TCEA3: variants seen among roughly 807,000 people sequenced by gnomAD.
The protein encoded by TCEA3 is transcription elongation factor A protein 3.
TCEA3 carries 36 observed loss-of-function variants against 44.0 expected under a neutral mutation model. The ratio of observed to expected loss-of-function variants is 0.82; its 90% CI spans 0.63 to 1.08. TCEA3 has a LOEUF of 1.08. Ranked by LOEUF, TCEA3 falls within the 50% of genes least tolerant of loss-of-function variation. The pLI is 0.00. For synonymous variants in TCEA3, 162 were observed against 159.7 expected (o/e 1.01, Z -0.11); for missense variants, 392 against 441.2 (o/e 0.89, Z 1.00).
At chr1:23,407,170 C>T (rs952547153) in intron 5 of TCEA3, among the ~76,000 whole-genome samples, 1 of 152,194 alleles carries the variant, frequency 6.6e-6, no homozygotes, top group African/African-American at 2.4e-5. Context: ...ATCCCTGACT[C>T]CTCTGTTTCT....
chr1:23,387,210 A>AT, intron 9 of TCEA3, 63 bp downstream of exon 9: 4 of 1,575,188 alleles, frequency 2.5e-6, no homozygotes, highest in Non-Finnish European at 2.6e-6. Flanking sequence ...CTTCTCTCTG[A>AT]TTTTCCACCT....
Position 23,397,944 on chromosome 1 carries a change from C to T in TCEA3, c.455G>A (p.Ser152Asn), listed in dbSNP as rs1297251629. ...KRPSVERSNS[S>N]KSKAESPKTP... ...TTTGGGGCTCTCCGCTTTTGATTTG[C>T]TGCTGTTTGATCTGAGGATGACAAT... Residue 152 changes from serine to asparagine, a missense_variant, in exon 6 of 11, where the codon AGC becomes AAC. Physicochemically the swap from Ser to Asn is conservative, Grantham distance 46 (BLOSUM62 1). Coordinates refer to ENST00000450454, the MANE Select transcript of TCEA3 (RefSeq NM_003196.3). 1.9e-6 allele frequency: 3 copies of T among 1,613,638 alleles called. No homozygotes were observed. The highest frequency in any genetic ancestry group is 2.5e-6 in the Non-Finnish European group (3 of 1,179,836).
At chr1:23,405,058 G>T (rs1639504025) in intron 5 of TCEA3, among the ~76,000 whole-genome samples, 1 of 152,108 alleles carries the variant, frequency 6.6e-6, no homozygotes, top group African/African-American at 2.4e-5. Flanking sequence ...TTTCCCCAAA[G>T]CAACAATCAG....
At chr1:23,402,067 G>A (rs1289390781) in intron 5 of TCEA3, among the ~76,000 whole-genome samples, 1 of 152,216 alleles carries the variant, frequency 6.6e-6, no homozygotes, top group Non-Finnish European at 1.5e-5. Flanking sequence ...CTGGCCGGGT[G>A]CAGTGGCTCA....
chr1:23,385,461 G>C (rs1638808124), intron 9 of TCEA3, among the ~76,000 whole-genome samples: 1 of 152,222 alleles, frequency 6.6e-6, no homozygotes, highest in Non-Finnish European at 1.5e-5. Context: ...CACACGGAAA[G>C]GTGCTTGGGA....
rs980563093 is a variant in TCEA3 at position 23,419,086 on chromosome 1, C to G, written c.123G>C (p.Gln41His). The G allele has an allele frequency of 8.3e-6, 12 of 1,448,352 alleles. No individual in the cohort carries two copies. The African/African-American group carries it at 1.2e-4, about 14-fold the overall frequency. The allele number at this position is 1,448,352 out of a possible 1,614,324, so 89.7% of individuals were successfully genotyped here. ...KKLHSCQMSI[Q>H]LLQTTRIGVA... is the part of the protein sequence containing the mutation. Reference sequence around the variant, plus strand: ...CCCACCCCCGCCCCACCTGTAGTAGCTGGATGGACATCTGGCAGCTGTGCA... The same window carrying G: ...CCCACCCCCGCCCCACCTGTAGTAGGTGGATGGACATCTGGCAGCTGTGCA... Residue 41 changes from glutamine to histidine, a missense_variant, in exon 2 of 11, where the codon CAG (glutamine) becomes CAC (histidine). Gln to His is a conservative substitution (Grantham distance 24). Coordinates refer to ENST00000450454, the MANE Select transcript of TCEA3 (RefSeq NM_003196.3).
At chr1:23,402,255 G>A (rs1455623041) in intron 5 of TCEA3, among the ~76,000 whole-genome samples, 4 of 152,164 alleles carry the variant, frequency 2.6e-5, no homozygotes, top group African/African-American at 4.8e-5. Context: ...CACAAGAATC[G>A]CTTGAACCCG....
intron 6 of TCEA3, 55 bp from the exon 7 acceptor site, chr1:23,397,656 G>C: frequency 1.2e-6 from 2 of 1,605,128 alleles, no homozygotes. Context: ...AGGCAGTGAA[G>C]CCTGCTTGTA....
chr1:23,387,325 G>C lies in TCEA3; in HGVS notation c.914C>G (p.Thr305Ser), dbSNP rs766122113. The change falls in exon 9 of 11, where the codon ACT (threonine) becomes AGT (serine). Residue 305 changes from threonine (T) to serine (S), a missense_variant. Thr to Ser is a moderately conservative substitution (Grantham distance 58). Transcript: ENST00000450454. ...GCATTTGCTGCACTGGAAGAGGTCA[G>C]TGGTGGTGCCGCCAGTCTTGGCCAT... ...HQMAKTGGTT[T>S]DLFQCSKCKK... is the part of the protein sequence containing the mutation. 1 of 1,613,962 alleles carries C rather than the reference G, an allele frequency of 6.2e-7. No individual in the cohort carries two copies. Among genetic ancestry groups the C allele is most frequent in the Non-Finnish European group, 8.5e-7 (1 of 1,179,880 alleles).
At chr1:23,414,737 C>A (rs1237742822) in intron 4 of TCEA3, among the ~76,000 whole-genome samples, 4 of 152,166 alleles carry the variant, frequency 2.6e-5, no homozygotes, top group Non-Finnish European at 2.9e-5. Context: ...AAACTTTCTA[C>A]AATGAGCAAG....
At chr1:23,386,603 G>T (rs1297514242) in intron 9 of TCEA3, among the ~76,000 whole-genome samples, 1 of 152,094 alleles carries the variant, frequency 6.6e-6, no homozygotes, top group Non-Finnish European at 1.5e-5. Flanking sequence ...TGTCGCCCAG[G>T]CTGGAGTACA....
rs772383415 is a variant in TCEA3 at position 23,419,110 on chromosome 1, C to T, written c.99G>A (p.Leu33=). 1.4e-6 allele frequency: 2 copies of T among 1,459,042 alleles called. No homozygotes were observed. Among genetic ancestry groups the T allele is most frequent in the South Asian group, 2.3e-5 (2 of 86,070 alleles). The allele number at this position is 1,459,042 out of a possible 1,614,324, so 90.4% of individuals were successfully genotyped here. A position where few individuals can be genotyped will look rare whatever the true frequency, so the allele number is the denominator to read the frequency against. The change falls in exon 2 of 11, where the codon CTG becomes CTA. Residue 33 remains leucine (L), a synonymous_variant. Coordinates refer to ENST00000450454, the MANE Select transcript of TCEA3 (RefSeq NM_003196.3). ...GCTGGATGGACATCTGGCAGCTGTG[C>T]AGCTTCTTCAGAAGGTCCAGGGCCC... ...TEGALDLLKK[L]HSCQMSIQLL...
intron 5 of TCEA3, among the ~76,000 whole-genome samples, chr1:23,400,786 G>C (rs551364989): frequency 7.9e-5 from 12 of 152,284 alleles, no homozygotes; most frequent in African/African-American, 2.6e-4. Flanking sequence ...AGCGCCCAGA[G>C]AGCTGCTGCA....
chr1:23,390,667 C>T (rs954620331), intron 8 of TCEA3, among the ~76,000 whole-genome samples: 4 of 152,054 alleles, frequency 2.6e-5, no homozygotes, highest in African/African-American at 4.8e-5. Flanking sequence ...TCCAGCCACA[C>T]GCCAATTCAT....
intron 4 of TCEA3, among the ~76,000 whole-genome samples, chr1:23,412,462 G>T (rs1158581051): frequency 6.6e-6 from 1 of 151,838 alleles, no homozygotes; most frequent in Non-Finnish European, 1.5e-5. Context: ...CAGCACTTTG[G>T]GAGGCTGAGG....
At chr1:23,395,105 T>C (rs1570244885) in intron 7 of TCEA3, among the ~76,000 whole-genome samples, 1 of 152,052 alleles carries the variant, frequency 6.6e-6, no homozygotes, top group South Asian at 2.1e-4. Flanking sequence ...GGAGGGGAGG[T>C]GGTATTCTTT....
intron 1 of TCEA3, among the ~76,000 whole-genome samples, chr1:23,420,753 T>G (rs1640038421): frequency 6.6e-6 from 1 of 152,156 alleles, no homozygotes; most frequent in African/African-American, 2.4e-5. Flanking sequence ...TGGATGAACT[T>G]GTGCAGAACT....
intron 1 of TCEA3, 114 bp from the exon 2 acceptor site, chr1:23,419,253 G>A (rs189622758): frequency 1.4e-6 from 1 of 706,088 alleles, no homozygotes; most frequent in African/African-American, 1.8e-5. Context: ...GTGGCCGAAG[G>A]ACAGGCAAGG....
chr1:23,384,736 G>A (rs978630602), intron 9 of TCEA3, among the ~76,000 whole-genome samples: 3 of 143,386 alleles, frequency 2.1e-5, no homozygotes, highest in South Asian at 2.2e-4. Context: ...GTGCCATCTC[G>A]GCTCACTGCA....
Sources: allele counts gnomAD v4.1 joint callset (sites outside exome capture counted in the v4.1 genomes callset), GRCh38; gene constraint gnomAD v4.1.1; transcripts MANE v1.5; gene names NCBI Gene and HGNC (gene_info 2026-07-23, HGNC 2026-07-21).